Variants in FOXJ3 observed in about 807,000 individuals in gnomAD.
The protein encoded by FOXJ3 is forkhead box J3, also known as forkhead box protein J3.
FOXJ3 carries 22 observed loss-of-function variants against 76.1 expected under a neutral mutation model. That is an observed-to-expected ratio of 0.29 (90% CI 0.21 to 0.41). The LOEUF is 0.41. Ranked by LOEUF, FOXJ3 falls within the 10% of genes least tolerant of loss-of-function variation. The pLI is 1.00. For missense variants in FOXJ3, 613 were observed against 762.1 expected (o/e 0.80, Z 2.30); for synonymous variants, 269 against 261.2 (o/e 1.03, Z -0.29).
At chr1:42,257,784 T>C (rs1650720942) in intron 4 of FOXJ3, among the ~76,000 whole-genome samples, 1 of 151,400 alleles carries the variant, frequency 6.6e-6, no homozygotes, top group Admixed American at 6.6e-5. Context: ...AATGAAGATG[T>C]GTCAAAGATC....
rs887397342 is a variant in FOXJ3, at chr1:42,306,406, G to A, written c.44+4644C>T. Among the ~76,000 whole-genome samples the A allele has an allele frequency of 8.9e-5, 13 of 145,712 alleles. No individual in the cohort carries two copies. In the East Asian group the frequency reaches 1.6e-3, roughly 18 times the overall value. Reference sequence around the variant, plus strand: ...CAACCTCCACCTCCCAGGTTCAGGCGATTCTCCTGCCTCAGCCTCCCGAGT... The same window carrying A: ...CAACCTCCACCTCCCAGGTTCAGGCAATTCTCCTGCCTCAGCCTCCCGAGT... On this transcript the variant is annotated intron_variant, in intron 2 of 12. Transcript: ENST00000361346.
chr1:42,275,261 T>A (rs1306708048), intron 3 of FOXJ3, among the ~76,000 whole-genome samples: 1 of 152,262 alleles, frequency 6.6e-6, no homozygotes, highest in East Asian at 1.9e-4. Flanking sequence ...AGTGTTGAAG[T>A]AGGAAGGCCT....
At chr1:42,262,865 TAAAC>T (rs1012194388) in intron 4 of FOXJ3, among the ~76,000 whole-genome samples, 1 of 151,946 alleles carries the variant, frequency 6.6e-6, no homozygotes, top group Non-Finnish European at 1.5e-5. Context: ...AACAAACAAA[TAAAC>T]AAACAAATAA....
At chr1:42,228,562 T>A (rs1647777757) in intron 4 of FOXJ3, among the ~76,000 whole-genome samples, 2 of 68,082 alleles carry the variant, frequency 2.9e-5, no homozygotes, top group African/African-American at 5.7e-5. Context: ...AAACTGTGAC[T>A]CTCCAAAAAA....
At chr1:42,241,733 G>C (rs926069989) in intron 4 of FOXJ3, among the ~76,000 whole-genome samples, 1 of 152,298 alleles carries the variant, frequency 6.6e-6, no homozygotes, top group Non-Finnish European at 1.5e-5. Flanking sequence ...CACCCATGCT[G>C]TCCAGGGGAA....
chr1:42,232,639 G>A (rs967488183), intron 4 of FOXJ3, among the ~76,000 whole-genome samples: 49 of 151,408 alleles, frequency 3.2e-4, no homozygotes, highest in African/African-American at 1.1e-3. Flanking sequence ...ACTTTTTGAT[G>A]GGGCTGTTTT....
chr1:42,325,704 G>A lies in FOXJ3; in HGVS notation c.-18+9355C>T, dbSNP rs577685715. ...AAGTTAGTTTTCAGGATTTAAATTGGAGTGCTATTTCTAGATCATTTATTG... is the reference window on the plus strand; with the variant it reads ...AAGTTAGTTTTCAGGATTTAAATTGAAGTGCTATTTCTAGATCATTTATTG... On this transcript the variant is annotated intron_variant, in intron 1 of 12. Transcript: ENST00000361346. Among the ~76,000 whole-genome samples, 18 of 152,276 alleles carry A rather than the reference G, an allele frequency of 1.2e-4. No individual in the cohort carries two copies. The South Asian group carries it at 2.9e-3, about 25-fold the overall frequency.
chr1:42,293,623 A>G (rs1261204294), intron 2 of FOXJ3, among the ~76,000 whole-genome samples: 3 of 152,208 alleles, frequency 2.0e-5, no homozygotes, highest in Non-Finnish European at 4.4e-5. Context: ...TCTCCATTTC[A>G]TATGGCTTCC....
intron 4 of FOXJ3, among the ~76,000 whole-genome samples, chr1:42,250,326 G>C (rs1056489433): frequency 1.3e-5 from 2 of 152,194 alleles, no homozygotes; most frequent in African/African-American, 2.4e-5. Context: ...TCACAGGATT[G>C]CTAAACACTA....
chr1:42,205,407 T>G (rs1387372760), intron 6 of FOXJ3, among the ~76,000 whole-genome samples: 1 of 152,196 alleles, frequency 6.6e-6, no homozygotes, highest in South Asian at 2.1e-4. Flanking sequence ...CCCCAGAATT[T>G]GACAATCTTT....
chr1:42,317,246 A>T (rs1655170720), intron 1 of FOXJ3, among the ~76,000 whole-genome samples: 1 of 152,142 alleles, frequency 6.6e-6, no homozygotes, highest in South Asian at 2.1e-4. Flanking sequence ...GTAACAGGTA[A>T]TCATTAAAGC....
intron 3 of FOXJ3, among the ~76,000 whole-genome samples, chr1:42,276,768 T>A (rs1167289493): frequency 6.6e-6 from 1 of 152,196 alleles, no homozygotes; most frequent in African/African-American, 2.4e-5. Flanking sequence ...AACCGAAGAA[T>A]CACAGTTAAC....
chr1:42,323,890 T>C (rs960507647), intron 1 of FOXJ3: 1 of 155,554 alleles, frequency 6.4e-6, no homozygotes, highest in Non-Finnish European at 1.4e-5. Context: ...AACAAACAGG[T>C]TACCTTATAG....
chr1:42,267,205 T>G (rs1651530868), intron 3 of FOXJ3, among the ~76,000 whole-genome samples: 1 of 152,086 alleles, frequency 6.6e-6, no homozygotes, highest in South Asian at 2.1e-4. Context: ...ACTCCTTGCC[T>G]CTACCAAAAG....
intron 2 of FOXJ3, among the ~76,000 whole-genome samples, chr1:42,281,065 T>C (rs998482079): frequency 6.6e-6 from 1 of 152,192 alleles, no homozygotes; most frequent in African/African-American, 2.4e-5. Flanking sequence ...CTGAGAACCA[T>C]CTTTGCCTTC....
chr1:42,239,490 T>C (rs1648960092), intron 4 of FOXJ3, among the ~76,000 whole-genome samples: 1 of 151,958 alleles, frequency 6.6e-6, no homozygotes, highest in Non-Finnish European at 1.5e-5. Context: ...AGCTATCTTC[T>C]ACTCACTTGA....
At chr1:42,290,088 TCC>T (rs1653321347) in intron 2 of FOXJ3, among the ~76,000 whole-genome samples, 7 of 152,092 alleles carry the variant, frequency 4.6e-5, no homozygotes, top group Non-Finnish European at 8.8e-5. Context: ...AGGAAAAAGT[TCC>T]TATGCTGGAG....
chr1:42,287,255 G>A (rs1014736409), intron 2 of FOXJ3, among the ~76,000 whole-genome samples: 3 of 151,822 alleles, frequency 2.0e-5, no homozygotes, highest in Non-Finnish European at 2.9e-5. Flanking sequence ...CAGGAGAATC[G>A]CATGAACCCA....
chr1:42,195,132 T>C lies in FOXJ3; in HGVS notation c.760-68A>G, dbSNP rs909591701. 1.4e-5 allele frequency: 16 copies of C among 1,167,076 alleles called. No individual in the cohort carries two copies. In the Admixed American group the frequency reaches 1.5e-4, roughly 11 times the overall value. The allele number at this position is 1,167,076 out of a possible 1,614,324, so 72.3% of individuals were successfully genotyped here. A position where few individuals can be genotyped will look rare whatever the true frequency, so the allele number is the denominator to read the frequency against. ...ATTACAATTGGCTTGTTATATAAAA[T>C]ATATAACTGAAAACAGTGTCAACAT... On this transcript the variant is annotated intron_variant, in intron 7 of 12. Coordinates refer to ENST00000361346, the MANE Select transcript of FOXJ3 (RefSeq NM_014947.5).
Sources: allele counts gnomAD v4.1 joint callset (sites outside exome capture counted in the v4.1 genomes callset), GRCh38; gene constraint gnomAD v4.1.1; transcripts MANE v1.5; gene names NCBI Gene and HGNC (gene_info 2026-07-23, HGNC 2026-07-21).